SCFD1: variants seen among roughly 807,000 people sequenced by gnomAD.
SCFD1 encodes sec1 family domain-containing protein 1.
In SCFD1, 37 loss-of-function variants were observed where a neutral mutation model predicts 103.2. The observed-to-expected ratio is 0.36, with a 90% confidence interval of 0.28 to 0.47. The LOEUF is 0.47. Ranked by LOEUF, SCFD1 falls within the 20% of genes least tolerant of loss-of-function variation. The pLI, the probability that SCFD1 is intolerant of heterozygous loss-of-function variation, is 1.00. For synonymous variants in SCFD1, 264 were observed against 245.0 expected, an observed-to-expected ratio of 1.08 and a Z score of -0.73; for missense variants, 639 against 761.2, an observed-to-expected ratio of 0.84 and a Z score of 1.89.
At chr14:30,660,999 A>G (rs1279588902) in intron 10 of SCFD1, among the ~76,000 whole-genome samples, 1 of 152,176 alleles carries the variant, frequency 6.6e-6, no homozygotes, top group Non-Finnish European at 1.5e-5. Context: ...AATAGTGGAT[A>G]CCACAGTCTG....
chr14:30,725,820 T>A (rs780640433), intron 23 of SCFD1, among the ~76,000 whole-genome samples: 1 of 150,812 alleles, frequency 6.6e-6, no homozygotes, highest in Non-Finnish European at 1.5e-5. Flanking sequence ...ATTAAGTTGC[T>A]TGACCAGGCT....
intron 8 of SCFD1, among the ~76,000 whole-genome samples, chr14:30,649,924 A>G (rs1886240006): frequency 6.6e-6 from 1 of 152,178 alleles, no homozygotes; most frequent in Non-Finnish European, 1.5e-5. Flanking sequence ...TCATTTAGCA[A>G]ATATTACTAA....
intron 23 of SCFD1, among the ~76,000 whole-genome samples, chr14:30,725,807 A>G: frequency 6.6e-6 from 1 of 151,860 alleles, no homozygotes; most frequent in East Asian, 1.9e-4. Context: ...TTTCATAGCA[A>G]AAATTAAGTT....
chr14:30,722,562 A>G lies in SCFD1; in HGVS notation c.1836+3A>G. ...AGAATCTTGTTGACTACATAAAGGTACATTTTATTTAGCCTTTTTATTCTG... is the reference window on the plus strand; with the variant it reads ...AGAATCTTGTTGACTACATAAAGGTGCATTTTATTTAGCCTTTTTATTCTG... On this transcript the variant is annotated splice_donor_region_variant and intron_variant, in intron 23 of 24. Transcript: ENST00000458591. 5 of 1,584,186 alleles carry G rather than the reference A, an allele frequency of 3.2e-6. No homozygotes were observed. Among genetic ancestry groups the G allele is most frequent in the Non-Finnish European group, 4.3e-6 (5 of 1,159,990 alleles).
At chr14:30,734,680 A>T (rs1893712311) in intron 23 of SCFD1, 110 bp from the exon 24 acceptor site, 3 of 829,684 alleles carry the variant, frequency 3.6e-6, no homozygotes, top group Admixed American at 1.9e-5. Context: ...AGTATCCCAA[A>T]GAAAGACTGT....
intron 4 of SCFD1, 38 bp downstream of exon 4, chr14:30,634,075 G>T: frequency 8.1e-7 from 1 of 1,236,970 alleles, no homozygotes; most frequent in Non-Finnish European, 1.1e-6. Flanking sequence ...CCTGAATTTG[G>T]AAATGGATTT....
intron 14 of SCFD1, among the ~76,000 whole-genome samples, chr14:30,684,144 T>C (rs1889729169): frequency 6.6e-6 from 1 of 152,188 alleles, no homozygotes; most frequent in African/African-American, 2.4e-5. Flanking sequence ...AGGTTATGGA[T>C]TTTCAAAAAG....
At chr14:30,659,048 A>T (rs1191917223) in intron 10 of SCFD1, among the ~76,000 whole-genome samples, 2 of 152,172 alleles carry the variant, frequency 1.3e-5, no homozygotes, top group Non-Finnish European at 2.9e-5. Context: ...TTCACTTTTT[A>T]AAAATAGCAG....
rs755486274 is a variant in SCFD1 at position 30,708,029 on chromosome 14, G to A, written c.1593G>A (p.Val531=). ...SRVMNTGSQF[V]MEGVKNLVLK... ...TCATGAATACAGGATCACAGTTTGT[G>A]ATGGAAGGAGTGAAGAACCTGGTTT... is the stretch of plus-strand genomic sequence containing the variant. Residue 531 remains valine (V), a synonymous_variant, in exon 19 of 25, where the codon GTG becomes GTA. Transcript: ENST00000458591. 1 of 1,613,434 alleles carries A rather than the reference G, an allele frequency of 6.2e-7. No homozygotes were observed. The highest frequency in any genetic ancestry group is 8.5e-7 in the Non-Finnish European group (1 of 1,179,474).
intron 13 of SCFD1, among the ~76,000 whole-genome samples, chr14:30,674,487 T>A (rs945117913): frequency 1.3e-5 from 2 of 151,944 alleles, no homozygotes; most frequent in South Asian, 2.1e-4. Flanking sequence ...CTTAAAAAAA[T>A]AAATAAATAA....
intron 10 of SCFD1, among the ~76,000 whole-genome samples, chr14:30,663,013 A>G (rs1887588516): frequency 1.3e-5 from 2 of 152,216 alleles, no homozygotes; most frequent in South Asian, 2.1e-4. Flanking sequence ...TTGCTTTAAC[A>G]TGATTGAGTA....
intron 18 of SCFD1, 200 bp from the exon 19 acceptor site, chr14:30,707,790 C>T (rs1458180180): frequency 1.6e-6 from 1 of 630,492 alleles, no homozygotes; most frequent in Non-Finnish European, 2.9e-6. Context: ...ATTTTAATTA[C>T]TATTTTATTG....
chr14:30,627,472 C>T (rs528376247), intron 1 of SCFD1, among the ~76,000 whole-genome samples: 4 of 152,084 alleles, frequency 2.6e-5, no homozygotes, highest in Admixed American at 6.5e-5. Context: ...CCAGGCCGGG[C>T]GTGGTGGCTC....
chr14:30,692,105 C>T (rs1890355700), intron 14 of SCFD1, among the ~76,000 whole-genome samples: 1 of 152,002 alleles, frequency 6.6e-6, no homozygotes, highest in South Asian at 2.1e-4. Context: ...TTTACATATG[C>T]AGTCACAAAA....
intron 23 of SCFD1, among the ~76,000 whole-genome samples, chr14:30,725,018 T>C (rs1042706400): frequency 6.6e-6 from 1 of 152,194 alleles, no homozygotes; most frequent in African/African-American, 2.4e-5. Flanking sequence ...TTCTTGGTTC[T>C]CTGTTCTGTT....
Position 30,705,837 on chromosome 14 carries a change from T to C in SCFD1, c.1505T>C (p.Met502Thr), listed in dbSNP as rs760217247. 3.7e-6 allele frequency: 6 copies of C among 1,613,664 alleles called. No homozygotes were observed. In the Admixed American group the frequency reaches 1.0e-4, roughly 27 times the overall value. Reference protein sequence around the residue: ...YIKQWKAFTKMASAPASYGST... With the variant: ...YIKQWKAFTKTASAPASYGST... The stretch of plus-strand genomic sequence containing the variant: ...TTCTTTCATAGGGCTTTTACCAAGA[T>C]GGCCTCAGCTCCGGCCAGCTATGGC... Residue 502 changes from methionine to threonine, a missense_variant, in exon 18 of 25, where the codon ATG (methionine) becomes ACG (threonine). Met to Thr is a moderately conservative substitution (Grantham distance 81). Coordinates refer to ENST00000458591, the MANE Select transcript of SCFD1 (RefSeq NM_016106.4).
intron 10 of SCFD1, among the ~76,000 whole-genome samples, chr14:30,658,567 A>G (rs1279634413): frequency 4.6e-5 from 7 of 151,786 alleles, no homozygotes; most frequent in East Asian, 3.9e-4. Context: ...TAATTTTTGT[A>G]TGTTTAATAG....
intron 1 of SCFD1, among the ~76,000 whole-genome samples, chr14:30,625,052 T>TA (rs1187635557): frequency 1.3e-5 from 2 of 152,162 alleles, no homozygotes; most frequent in African/African-American, 2.4e-5. Flanking sequence ...TCAAAGCACT[T>TA]ACCATGATCT....
At chr14:30,717,132 T>C (rs1180554144) in intron 20 of SCFD1, among the ~76,000 whole-genome samples, 1 of 152,174 alleles carries the variant, frequency 6.6e-6, no homozygotes, top group Non-Finnish European at 1.5e-5. Context: ...ATTAAAAATA[T>C]AAGTAAATGC....
Sources: gnomAD v4.1 joint callset for allele counts (sites outside exome capture counted in the v4.1 genomes callset) on GRCh38, gnomAD v4.1.1 for gene constraint, MANE v1.5 for transcripts, NCBI Gene and HGNC (gene_info 2026-07-23, HGNC 2026-07-21) for gene names.